Variants in FBXL7 observed in about 807,000 individuals in gnomAD.
FBXL7 encodes the protein F-box and leucine rich repeat protein 7.
In FBXL7, 12 loss-of-function variants were observed where a neutral mutation model predicts 38.3. That is an observed-to-expected ratio of 0.31 (90% confidence interval 0.20 to 0.51). FBXL7 has a LOEUF of 0.51. Among genes scored for constraint, FBXL7 ranks in the 20% least tolerant of loss-of-function variants. FBXL7 has a pLI of 0.98. For missense variants in FBXL7, 567 were observed against 676.4 expected, an observed-to-expected ratio of 0.84 and a Z score of 1.79; for synonymous variants, 297 against 300.9, an observed-to-expected ratio of 0.99 and a Z score of 0.13.
At chr5:15,777,297 A>G (rs1031477885) in intron 2 of FBXL7, among the ~76,000 whole-genome samples, 3 of 152,068 alleles carry the variant, frequency 2.0e-5, no homozygotes, top group African/African-American at 7.2e-5. Context: ...TCAAAATTAA[A>G]TACACCTGGA....
At chr5:15,664,787 G>A (rs185068458) in intron 2 of FBXL7, among the ~76,000 whole-genome samples, 23 of 151,622 alleles carry the variant, frequency 1.5e-4, no homozygotes, top group Non-Finnish European at 2.4e-4. Context: ...TTCTTCAAGC[G>A]TCCTAACTCC....
rs534217300 is a variant in FBXL7 at position 15,661,731 on chromosome 5, G to T, written c.127+45659G>T. 1.5e-3 allele frequency among the ~76,000 whole-genome samples: 222 copies of T among 152,220 alleles called. 9 individuals are homozygous for T. The South Asian group carries it at 0.045, about 31-fold the overall frequency. On this transcript the variant is annotated intron_variant, in intron 2 of 3. Coordinates refer to ENST00000504595, the MANE Select transcript of FBXL7 (RefSeq NM_012304.5). The stretch of plus-strand genomic sequence containing the variant: ...ACCTTCAAATAGGTCCAAGCTTTGT[G>T]TTCATAAATCCTCATTATTTAGCTC...
chr5:15,886,977 G>A (rs1025065312), intron 2 of FBXL7, among the ~76,000 whole-genome samples: 9 of 152,244 alleles, frequency 5.9e-5, no homozygotes, highest in Middle Eastern at 3.4e-3. Context: ...ACAGTGCTTT[G>A]TTTTACTTTG....
intron 3 of FBXL7, among the ~76,000 whole-genome samples, chr5:15,933,601 C>G (rs1179190750): frequency 2.6e-5 from 4 of 152,230 alleles, no homozygotes; most frequent in Non-Finnish European, 5.9e-5. Context: ...CCCACTGGAA[C>G]AGTGTGACCT....
intron 2 of FBXL7, among the ~76,000 whole-genome samples, chr5:15,831,214 C>A (rs182222253): frequency 6.6e-6 from 1 of 152,076 alleles, no homozygotes; most frequent in South Asian, 2.1e-4. Context: ...AGGGAATTTG[C>A]GATTGTTTTG....
intron 2 of FBXL7, among the ~76,000 whole-genome samples, chr5:15,833,439 G>A (rs1738510473): frequency 6.6e-6 from 1 of 152,182 alleles, no homozygotes; most frequent in Admixed American, 6.5e-5. Flanking sequence ...TATTAGATTA[G>A]TGAAATTTCA....
rs567562280 is a variant in FBXL7, at chr5:15,699,563, T to C, written c.127+83491T>C. 2.0e-5 allele frequency among the ~76,000 whole-genome samples: 3 copies of C among 152,336 alleles called. No homozygotes were observed. In the South Asian group the frequency reaches 6.2e-4, roughly 32 times the overall value. The stretch of plus-strand genomic sequence containing the variant: ...ATATCAGCAGCAACCGTATTTCAAA[T>C]GGGAGGTCACCTTCTGAGGTTCTTT... On this transcript the variant is annotated intron_variant, in intron 2 of 3. Coordinates refer to ENST00000504595, the MANE Select transcript of FBXL7 (RefSeq NM_012304.5).
intron 1 of FBXL7, among the ~76,000 whole-genome samples, chr5:15,543,266 A>G (rs985299267): frequency 1.3e-5 from 2 of 152,194 alleles, no homozygotes; most frequent in Non-Finnish European, 2.9e-5. Flanking sequence ...TACGTCTTAC[A>G]TGGTGGCAGA....
At position 15,637,072 on chromosome 5, in the gene FBXL7, A is replaced by G. The variant is rs574685592; in HGVS notation, c.127+21000A>G. Among the ~76,000 whole-genome samples the G allele has an allele frequency of 3.9e-5, 6 of 152,316 alleles. 1 individual carries two copies. The highest frequency in any genetic ancestry group is 3.4e-3 in the Middle Eastern group (1 of 292). On this transcript the variant is annotated intron_variant, in intron 2 of 3. Transcript: ENST00000504595. Reference sequence around the variant, plus strand: ...CAGCTCTTCCAATGACTCCATTCTCATATGCTAATAAAGAGCATCTGTAAA... The same window carrying G: ...CAGCTCTTCCAATGACTCCATTCTCGTATGCTAATAAAGAGCATCTGTAAA...
chr5:15,902,917 T>A (rs1741264900), intron 2 of FBXL7, among the ~76,000 whole-genome samples: 1 of 152,214 alleles, frequency 6.6e-6, no homozygotes, highest in South Asian at 2.1e-4. Context: ...GTCTAGGCAG[T>A]CAGAGCAGGG....
intron 2 of FBXL7, among the ~76,000 whole-genome samples, chr5:15,768,150 T>A (rs539421606): frequency 8.5e-5 from 13 of 152,328 alleles, no homozygotes; most frequent in East Asian, 7.7e-4. Flanking sequence ...TCAAGTGATG[T>A]TGTTTTTTCC....
chr5:15,837,063 A>C (rs563923226), intron 2 of FBXL7, among the ~76,000 whole-genome samples: 19 of 152,296 alleles, frequency 1.2e-4, no homozygotes, highest in African/African-American at 4.6e-4. Flanking sequence ...ATATGGCTGA[A>C]ATATTGTGTC....
At chr5:15,533,810 G>T (rs530976609) in intron 1 of FBXL7, among the ~76,000 whole-genome samples, 1 of 152,210 alleles carries the variant, frequency 6.6e-6, no homozygotes, top group Non-Finnish European at 1.5e-5. Flanking sequence ...GGAGGATTAG[G>T]GTTTTTTCCT....
intron 1 of FBXL7, among the ~76,000 whole-genome samples, chr5:15,536,506 C>T (rs6893185): frequency 0.026 from 3,912 of 152,236 alleles, 161 homozygotes; most frequent in African/African-American, 0.089. Flanking sequence ...GACATGGAGT[C>T]AAAGGAGATC....
intron 2 of FBXL7, among the ~76,000 whole-genome samples, chr5:15,888,862 A>G (rs1740790495): frequency 6.6e-6 from 1 of 152,198 alleles, no homozygotes; most frequent in Non-Finnish European, 1.5e-5. Context: ...ATAGTGATAT[A>G]TTTAAAGAGA....
intron 2 of FBXL7, among the ~76,000 whole-genome samples, chr5:15,767,861 T>C (rs915912195): frequency 3.3e-5 from 5 of 152,230 alleles, no homozygotes; most frequent in Non-Finnish European, 5.9e-5. Context: ...AAAATGTCTT[T>C]AGAACCTAAA....
chr5:15,545,674 G>A (rs1320098950), intron 1 of FBXL7, among the ~76,000 whole-genome samples: 2 of 152,148 alleles, frequency 1.3e-5, no homozygotes, highest in Non-Finnish European at 2.9e-5. Context: ...TAGATGTGCT[G>A]GGGACAAAAC....
At chr5:15,851,077 G>A (rs1409587005) in intron 2 of FBXL7, among the ~76,000 whole-genome samples, 2 of 152,140 alleles carry the variant, frequency 1.3e-5, no homozygotes, top group African/African-American at 4.8e-5. Context: ...TTTCTTGATA[G>A]ACAGCATTGC....
At chr5:15,636,766 A>G (rs1289096790) in intron 2 of FBXL7, among the ~76,000 whole-genome samples, 1 of 145,588 alleles carries the variant, frequency 6.9e-6, no homozygotes, top group Non-Finnish European at 1.5e-5. Context: ...ATCCTTTGTG[A>G]TTTTTAGTTT....
Sources: gnomAD v4.1 joint callset for allele counts (sites outside exome capture counted in the v4.1 genomes callset) on GRCh38, gnomAD v4.1.1 for gene constraint, MANE v1.5 for transcripts, NCBI Gene and HGNC (gene_info 2026-07-23, HGNC 2026-07-21) for gene names.